The following FSHR variants were observed in gnomAD, a reference collection of about 807,000 sequenced individuals.
FSHR encodes follicle stimulating hormone receptor.
Under a neutral mutation model 52.1 loss-of-function variants are expected in FSHR, and 46 were observed. The ratio of observed to expected loss-of-function variants is 0.88; its 90% confidence interval spans 0.70 to 1.13. FSHR has a LOEUF of 1.13. FSHR is among the 50% of genes most tolerant of loss of function. The pLI is 0.00. For missense variants in FSHR, 964 were observed against 834.6 expected, an observed-to-expected ratio of 1.16 and a Z score of -1.91; for synonymous variants, 399 against 309.6, an observed-to-expected ratio of 1.29 and a Z score of -3.03.
chr2:48,962,251 T>TTGAA lies in FSHR; in HGVS notation c.*478_*481dup, dbSNP rs1034378766. ...CAGATGGGTGTTCAATTAATATTTG[T>TTGAA]TGAATGAATGAATGAATGAATACCA... is the stretch of plus-strand genomic sequence containing the variant. On this transcript the variant is annotated 3_prime_UTR_variant, in exon 10 of 10. Transcript: ENST00000406846. 12 of 200,766 alleles carry TTGAA rather than the reference T, an allele frequency of 6.0e-5. 1 individual carries two copies. The highest frequency in any genetic ancestry group is 3.4e-4 in the South Asian group (4 of 11,680). The allele number at this position is 200,766 out of a possible 1,614,324, so 12.4% of individuals were successfully genotyped here. A position where few individuals can be genotyped will look rare whatever the true frequency, so the allele number is the denominator to read the frequency against.
chr2:49,020,232 G>C, intron 2 of FSHR, 72 bp from the exon 3 acceptor site: 1 of 1,247,816 alleles, frequency 8.0e-7, no homozygotes, highest in South Asian at 1.2e-5. Context: ...GCTCAGCATA[G>C]AGCCTTGTGT....
rs1185464890 is a variant in FSHR at position 48,998,870 on chromosome 2, A to G, written c.375-8233T>C. Among the ~76,000 whole-genome samples the G allele has an allele frequency of 1.3e-5, 2 of 152,152 alleles. 1 individual carries two copies. Among genetic ancestry groups the G allele is most frequent in the Admixed American group, 1.3e-4 (2 of 15,254 alleles). The stretch of plus-strand genomic sequence containing the variant: ...GTGCTATGTGAAATGGTACATAATA[A>G]GAGAAGATGCAAATATCGAAGCATA... On this transcript the variant is annotated intron_variant, in intron 4 of 9. Transcript: ENST00000406846.
Position 48,963,570 on chromosome 2 carries a change from G to C in FSHR, c.1251C>G (p.Leu417=). 1 of 1,614,182 alleles carries C rather than the reference G, an allele frequency of 6.2e-7. No homozygotes were observed. The highest frequency in any genetic ancestry group is 8.5e-7 in the Non-Finnish European group (1 of 1,180,020). The change falls in exon 10 of 10, where the codon CTC becomes CTG. Residue 417 remains leucine, a synonymous_variant. Coordinates refer to ENST00000406846, the MANE Select transcript of FSHR (RefSeq NM_000145.4). ...TGGTATGGATATCAACTGATGCAAT[G>C]AGCAGCAGGTAGATTCCAATGCAGA... ...ADLCIGIYLL[L]IASVDIHTKS...
rs374081495 is a variant in FSHR at position 48,996,139 on chromosome 2, A to T, written c.375-5502T>A. Among the ~76,000 whole-genome samples the T allele has an allele frequency of 3.2e-4, 49 of 152,206 alleles. No individual in the cohort carries two copies. In the South Asian group the frequency reaches 9.5e-3, roughly 30 times the overall value. On this transcript the variant is annotated intron_variant, in intron 4 of 9. Transcript: ENST00000406846. Reference sequence around the variant, plus strand: ...ACTAATTGGTTTCCTATGATATAGGATTTGTTTCCTTTTAAGCCATTTGAT... The same window carrying T: ...ACTAATTGGTTTCCTATGATATAGGTTTTGTTTCCTTTTAAGCCATTTGAT...
At chr2:49,007,562 T>A (rs1444123201) in intron 4 of FSHR, among the ~76,000 whole-genome samples, 1 of 152,088 alleles carries the variant, frequency 6.6e-6, no homozygotes, top group Non-Finnish European at 1.5e-5. Context: ...GTTTTGCTTG[T>A]TGGAAGGACT....
chr2:48,997,489 TG>T (rs1174256947), intron 4 of FSHR, among the ~76,000 whole-genome samples: 27 of 151,716 alleles, frequency 1.8e-4, no homozygotes, highest in African/African-American at 6.5e-4. Flanking sequence ...GAGCAGGGCA[TG>T]TAGCATAGCT....
At chr2:49,093,842 C>A (rs1296365688) in intron 1 of FSHR, among the ~76,000 whole-genome samples, 1 of 152,060 alleles carries the variant, frequency 6.6e-6, no homozygotes, top group Non-Finnish European at 1.5e-5. Flanking sequence ...GATGATCCAT[C>A]CACCTTGGCC....
At chr2:49,002,935 T>C (rs1405137686) in intron 4 of FSHR, among the ~76,000 whole-genome samples, 1 of 152,138 alleles carries the variant, frequency 6.6e-6, no homozygotes, top group East Asian at 1.9e-4. Flanking sequence ...GAGACCATGA[T>C]GGATGATCAT....
rs1670669815 is a variant in FSHR at position 49,092,981 on chromosome 2, AAC to A, written c.153-24693_153-24692del. 2.0e-5 allele frequency among the ~76,000 whole-genome samples: 3 copies of A among 152,152 alleles called. No homozygotes were observed. In the South Asian group the frequency reaches 6.2e-4, roughly 32 times the overall value. ...ACACCCAGCTTTGGTTTTGAATTTC[AAC>A]ACAGTCTTGCATTCTTGGAATAAAC... On this transcript the variant is annotated intron_variant, in intron 1 of 9. Coordinates refer to ENST00000406846, the MANE Select transcript of FSHR (RefSeq NM_000145.4).
rs1002422765 is a variant in FSHR, at chr2:48,999,293, A to G, written c.375-8656T>C. Among the ~76,000 whole-genome samples, 13 of 152,016 alleles carry G rather than the reference A, an allele frequency of 8.6e-5. 1 individual carries two copies. Among genetic ancestry groups the G allele is most frequent in the Admixed American group, 6.6e-4 (10 of 15,236 alleles). ...CCTCTCCACTACCTTGGAGACAGGT[A>G]CCCTTACCATCCTCATATTAGAGTT... On this transcript the variant is annotated intron_variant, in intron 4 of 9. Coordinates refer to ENST00000406846, the MANE Select transcript of FSHR (RefSeq NM_000145.4).
chr2:49,081,494 G>T (rs1049599549), intron 1 of FSHR, among the ~76,000 whole-genome samples: 1 of 152,048 alleles, frequency 6.6e-6, no homozygotes, highest in Non-Finnish European at 1.5e-5. Flanking sequence ...ATTCTCACCA[G>T]GGCATATCCC....
At chr2:48,975,912 A>C (rs1185860110) in intron 8 of FSHR, among the ~76,000 whole-genome samples, 2 of 152,204 alleles carry the variant, frequency 1.3e-5, no homozygotes, top group Admixed American at 6.5e-5. Flanking sequence ...TTTTCTAAAT[A>C]TACAATCATG....
At chr2:49,047,634 C>A (rs1474245996) in intron 2 of FSHR, among the ~76,000 whole-genome samples, 2 of 152,212 alleles carry the variant, frequency 1.3e-5, no homozygotes, top group Non-Finnish European at 2.9e-5. Flanking sequence ...TTGGGCATTA[C>A]CCACTTTATG....
At chr2:49,043,751 A>G (rs1668562659) in intron 2 of FSHR, among the ~76,000 whole-genome samples, 2 of 152,340 alleles carry the variant, frequency 1.3e-5, no homozygotes, top group Non-Finnish European at 1.5e-5. Flanking sequence ...TTCAGAGCTC[A>G]GTGGGAGCCC....
At chr2:48,966,867 A>T (rs1475593056) in intron 9 of FSHR, among the ~76,000 whole-genome samples, 1 of 152,162 alleles carries the variant, frequency 6.6e-6, no homozygotes, top group Admixed American at 6.5e-5. Context: ...ACAGGCCTGG[A>T]TGGTAAGTTA....
At chr2:49,093,357 C>T (rs2103699648) in intron 1 of FSHR, among the ~76,000 whole-genome samples, 1 of 152,270 alleles carries the variant, frequency 6.6e-6, no homozygotes, top group African/African-American at 2.4e-5. Context: ...GTTTGTGATT[C>T]ATGTATATCG....
At chr2:48,992,512 G>A (rs531802462) in intron 4 of FSHR, among the ~76,000 whole-genome samples, 1 of 152,286 alleles carries the variant, frequency 6.6e-6, no homozygotes, top group Admixed American at 6.5e-5. Context: ...AGTGATTCAG[G>A]ACTGTCTTTT....
intron 1 of FSHR, among the ~76,000 whole-genome samples, chr2:49,135,706 T>A (rs1672466084): frequency 1.3e-5 from 2 of 152,142 alleles, no homozygotes; most frequent in Non-Finnish European, 2.9e-5. Context: ...ACTTAACTAC[T>A]AATAGCCTAC....
chr2:49,013,292 T>C (rs868437577), intron 4 of FSHR, among the ~76,000 whole-genome samples: 1 of 151,682 alleles, frequency 6.6e-6, no homozygotes, highest in East Asian at 1.9e-4. Flanking sequence ...GCGTATGGTA[T>C]TTTGTTATGG....
Sources: gnomAD v4.1 joint callset for allele counts (sites outside exome capture counted in the v4.1 genomes callset) on GRCh38, gnomAD v4.1.1 for gene constraint, MANE v1.5 for transcripts, NCBI Gene and HGNC (gene_info 2026-07-23, HGNC 2026-07-21) for gene names.